The following NFYC variants were observed in gnomAD, a reference collection of about 807,000 sequenced individuals.
NFYC encodes the protein nuclear transcription factor Y subunit gamma.
NFYC carries 25 observed loss-of-function variants against 53.1 expected under a neutral mutation model. The observed-to-expected ratio is 0.47, with a 90% confidence interval of 0.34 to 0.66. The LOEUF (loss-of-function observed/expected upper bound fraction) is 0.66, where lower values mean the gene tolerates loss of function less well. Among genes scored for constraint, NFYC ranks in the 30% least tolerant of loss-of-function variants. The pLI is 0.01. For synonymous variants in NFYC, 145 were observed against 152.6 expected (o/e 0.95, Z 0.37); for missense variants, 260 against 422.7 (o/e 0.62, Z 3.38).
At chr1:40,713,305 T>C (rs1343172421) in intron 1 of NFYC, among the ~76,000 whole-genome samples, 1 of 152,230 alleles carries the variant, frequency 6.6e-6, no homozygotes, top group Non-Finnish European at 1.5e-5. Context: ...TATCTGTGCA[T>C]TGGAAGAATC....
At chr1:40,760,847 T>G (rs972741614) in intron 6 of NFYC, among the ~76,000 whole-genome samples, 2 of 152,244 alleles carry the variant, frequency 1.3e-5, no homozygotes, top group Non-Finnish European at 2.9e-5. Flanking sequence ...TCAAAGATAA[T>G]GGCTGCTCAG....
At chr1:40,729,679 CTTT>C (rs749911157) in intron 1 of NFYC, among the ~76,000 whole-genome samples, 1 of 143,546 alleles carries the variant, frequency 7.0e-6, no homozygotes. Flanking sequence ...CATCTCAGCT[CTTT>C]TTTTTTTTTT....
intron 2 of NFYC, among the ~76,000 whole-genome samples, chr1:40,741,895 T>C (rs1346866575): frequency 6.6e-6 from 1 of 152,070 alleles, no homozygotes; most frequent in East Asian, 1.9e-4. Context: ...TGAGCCACCA[T>C]GCGTGGCCTT....
At chr1:40,700,851 A>G (rs989809089) in intron 1 of NFYC, among the ~76,000 whole-genome samples, 5 of 152,142 alleles carry the variant, frequency 3.3e-5, no homozygotes, top group Non-Finnish European at 7.3e-5. Flanking sequence ...AGATAACTTT[A>G]GCATCCTGTT....
At chr1:40,766,315 A>G (rs191319932) in intron 7 of NFYC, 1 of 349,172 alleles carries the variant, frequency 2.9e-6, no homozygotes, top group East Asian at 5.3e-5. Context: ...AATAATGAGC[A>G]TGCAGCCATG....
At chr1:40,707,702 G>T (rs1328869161) in intron 1 of NFYC, among the ~76,000 whole-genome samples, 1 of 151,358 alleles carries the variant, frequency 6.6e-6, no homozygotes, top group African/African-American at 2.4e-5. Context: ...TAGCGGGGGT[G>T]GTAGCACACA....
At chr1:40,739,577 A>T (rs1454360761) in intron 2 of NFYC, among the ~76,000 whole-genome samples, 3 of 152,134 alleles carry the variant, frequency 2.0e-5, no homozygotes, top group East Asian at 1.9e-4. Flanking sequence ...GACATTGGCA[A>T]ATGTCCCCAT....
chr1:40,742,755 T>C (rs1645416787), intron 2 of NFYC, among the ~76,000 whole-genome samples: 1 of 152,226 alleles, frequency 6.6e-6, no homozygotes, highest in Non-Finnish European at 1.5e-5. Flanking sequence ...ATCAATTCCA[T>C]ATTTGAGTAA....
chr1:40,749,528 C>T (rs772226281), intron 3 of NFYC, 45 bp from the exon 4 acceptor site: 2 of 1,494,998 alleles, frequency 1.3e-6, no homozygotes, highest in African/African-American at 1.4e-5. Context: ...GACTGGTTTG[C>T]ATGACTTGCT....
chr1:40,747,200 A>G (rs1570607889), intron 2 of NFYC, among the ~76,000 whole-genome samples: 1 of 2,636 alleles, frequency 3.8e-4, no homozygotes, highest in African/African-American at 9.7e-4. Context: ...CTTACTTGGA[A>G]AAAAAAAGAA....
intron 2 of NFYC, among the ~76,000 whole-genome samples, chr1:40,741,140 G>A (rs1189448242): frequency 6.6e-6 from 1 of 152,046 alleles, no homozygotes; most frequent in Non-Finnish European, 1.5e-5. Flanking sequence ...ATAGAAGTGG[G>A]ATCATATCGT....
intron 1 of NFYC, among the ~76,000 whole-genome samples, chr1:40,706,731 C>G (rs750921275): frequency 1.3e-5 from 2 of 152,094 alleles, no homozygotes; most frequent in African/African-American, 2.4e-5. Context: ...CTTAAAAAAC[C>G]GAAGCAGTTG....
chr1:40,718,780 AT>A lies in NFYC; in HGVS notation c.-8-20055del, dbSNP rs372039971. ...GCTATGCAGATACATACTTTGTGGT[AT>A]GTATTGAGGCAGCTCCCACATTTGG... On this transcript the variant is annotated intron_variant, in intron 1 of 9. Coordinates refer to ENST00000447388, the MANE Select transcript of NFYC (RefSeq NM_014223.5). 3.9e-5 allele frequency among the ~76,000 whole-genome samples: 6 copies of A among 152,380 alleles called. No homozygotes were observed. The East Asian group carries it at 7.7e-4, about 20-fold the overall frequency.
At chr1:40,769,047 G>T (rs1557947547) in intron 8 of NFYC, 1 of 316,294 alleles carries the variant, frequency 3.2e-6, no homozygotes, top group East Asian at 7.4e-5. Context: ...GGGTCCATGT[G>T]TTCTGTTTGA....
chr1:40,693,800 A>C (rs1286838883), intron 1 of NFYC, among the ~76,000 whole-genome samples: 1 of 152,240 alleles, frequency 6.6e-6, no homozygotes, highest in Admixed American at 6.5e-5. Context: ...TTGTATTTCC[A>C]AGTGGATCAT....
rs556801076 is a variant in NFYC at position 40,704,106 on chromosome 1, C to G, written c.-9+12239C>G. Among the ~76,000 whole-genome samples the G allele has an allele frequency of 6.8e-5, 10 of 147,762 alleles. No individual in the cohort carries two copies. The East Asian group carries it at 1.4e-3, about 20-fold the overall frequency. On this transcript the variant is annotated intron_variant, in intron 1 of 9. Transcript: ENST00000447388. ...GTTTTTTTTTTTTTTGGAGACAGCTCTGTCTCCCAGGCTGGAGTGCAGTGG... is the reference window on the plus strand; with the variant it reads ...GTTTTTTTTTTTTTTGGAGACAGCTGTGTCTCCCAGGCTGGAGTGCAGTGG...
At chr1:40,692,839 G>A (rs1217489966) in intron 1 of NFYC, among the ~76,000 whole-genome samples, 1 of 152,140 alleles carries the variant, frequency 6.6e-6, no homozygotes, top group Non-Finnish European at 1.5e-5. Flanking sequence ...AGCATTTTAG[G>A]GGACATTTTC....
At chr1:40,763,077 A>G in intron 7 of NFYC, 31 bp downstream of exon 7, 2 of 1,527,814 alleles carry the variant, frequency 1.3e-6, no homozygotes, top group Non-Finnish European at 1.8e-6. Context: ...TGTCTTTACA[A>G]CTTTATAGAA....
At chr1:40,733,522 T>A (rs140653025) in intron 1 of NFYC, among the ~76,000 whole-genome samples, 2 of 151,356 alleles carry the variant, frequency 1.3e-5, no homozygotes, top group African/African-American at 4.8e-5. Flanking sequence ...TAGTTTAACA[T>A]GGAATGAAGA....
Sources: gnomAD v4.1 joint callset for allele counts (sites outside exome capture counted in the v4.1 genomes callset) on GRCh38, gnomAD v4.1.1 for gene constraint, MANE v1.5 for transcripts, NCBI Gene and HGNC (gene_info 2026-07-23, HGNC 2026-07-21) for gene names.